The following JAK2 variants were observed in gnomAD, a reference collection of about 807,000 sequenced individuals.
JAK2 encodes the protein tyrosine-protein kinase JAK2.
JAK2 carries 86 observed loss-of-function variants against 139.3 expected under a neutral mutation model. That is an observed-to-expected ratio of 0.62 (90% confidence interval 0.52 to 0.74). JAK2 has a LOEUF of 0.74. Among genes scored for constraint, JAK2 ranks in the 30% least tolerant of loss-of-function variants. The pLI is 0.00. For synonymous variants in JAK2, 490 were observed against 437.7 expected (o/e 1.12, Z -1.49); for missense variants, 1,421 against 1,360.3 (o/e 1.04, Z -0.70).
intron 2 of JAK2, among the ~76,000 whole-genome samples, chr9:4,997,175 T>G (rs1259238110): frequency 6.6e-6 from 1 of 152,044 alleles, no homozygotes; most frequent in Non-Finnish European, 1.5e-5. Context: ...CCAGCAATCT[T>G]TCTGCATCAG....
intron 14 of JAK2, 63 bp from the exon 15 acceptor site, chr9:5,077,390 A>T (rs1384916205): frequency 1.7e-6 from 1 of 574,726 alleles, no homozygotes; most frequent in Non-Finnish European, 2.6e-6. Context: ...AAAGATTTAA[A>T]TTACATATAT....
chr9:5,113,191 CTTTTTTTT>C (rs531374595), intron 22 of JAK2, among the ~76,000 whole-genome samples: 1 of 57,160 alleles, frequency 1.7e-5, no homozygotes, highest in African/African-American at 8.2e-5. Context: ...CTGGCAGGAG[CTTTTTTTT>C]TTTTTTTTTT....
chr9:5,104,941 C>T (rs768050758), intron 22 of JAK2, among the ~76,000 whole-genome samples: 4 of 152,182 alleles, frequency 2.6e-5, no homozygotes, highest in African/African-American at 9.7e-5. Context: ...GACAAACTCA[C>T]AGCCAATATC....
intron 23 of JAK2, among the ~76,000 whole-genome samples, chr9:5,125,250 A>G (rs12349918): frequency 0.25 from 38,216 of 150,740 alleles, 5,137 homozygotes; most frequent in South Asian, 0.3. Flanking sequence ...ATAAAAGTTC[A>G]CTTATATAAA....
chr9:5,110,834 G>A (rs1822425295), intron 22 of JAK2: 6 of 456,204 alleles, frequency 1.3e-5, no homozygotes, highest in Non-Finnish European at 2.5e-5. Context: ...CGTTTGTTCG[G>A]GGAAGGTGGG....
chr9:5,090,355 A>G (rs1417794030), intron 20 of JAK2, 91 bp from the exon 21 acceptor site: 2 of 930,254 alleles, frequency 2.1e-6, no homozygotes, highest in Admixed American at 3.0e-5. Flanking sequence ...GATTTCATAT[A>G]TGTTTAAGTC....
At chr9:5,126,252 T>TC in intron 23 of JAK2, 81 bp from the exon 24 acceptor site, 1 of 924,616 alleles carries the variant, frequency 1.1e-6, no homozygotes, top group Non-Finnish European at 1.7e-6. Flanking sequence ...CTAAATTTTT[T>TC]CCCATTGACT....
Position 5,022,009 on chromosome 9 carries a change from A to G in JAK2, c.22A>G (p.Met8Val). The change falls in exon 3 of 25, where the codon ATG becomes GTG. Residue 8 changes from methionine to valine, a missense_variant. Coordinates refer to ENST00000381652, the MANE Select transcript of JAK2 (RefSeq NM_004972.4). MGMACLT[M>V]TEMEGTSTSS... Reference sequence around the variant, plus strand: ...CTGCATGGGAATGGCCTGCCTTACGATGACAGAAATGGAGGGAACATCCAC... The same window carrying G: ...CTGCATGGGAATGGCCTGCCTTACGGTGACAGAAATGGAGGGAACATCCAC... The G allele has an allele frequency of 6.2e-7, 1 of 1,613,984 alleles. No homozygotes were observed. The highest frequency in any genetic ancestry group is 8.5e-7 in the Non-Finnish European group (1 of 1,179,840).
At chr9:5,027,537 A>C (rs1306140727) in intron 3 of JAK2, among the ~76,000 whole-genome samples, 1 of 152,158 alleles carries the variant, frequency 6.6e-6, no homozygotes, top group East Asian at 1.9e-4. Flanking sequence ...GCAATATCTT[A>C]AAATAAGACA....
Position 5,065,060 on chromosome 9 carries a change from A to C in JAK2, c.1214+20A>C. On this transcript the variant is annotated intron_variant, in intron 9 of 24. Coordinates refer to ENST00000381652, the MANE Select transcript of JAK2 (RefSeq NM_004972.4). ...AATTTCGTGAGTAATACAGACTTAA[A>C]AGTAAATTTTTAGAAAAGTAAATGC... The C allele has an allele frequency of 4.7e-6, 7 of 1,485,832 alleles. No individual in the cohort carries two copies. Among genetic ancestry groups the C allele is most frequent in the Non-Finnish European group, 6.3e-6 (7 of 1,108,278 alleles). 92.0% of individuals were successfully genotyped at this position (1,485,832 alleles called of 1,614,324 possible).
At chr9:5,013,753 C>G (rs1821861490) in intron 2 of JAK2, among the ~76,000 whole-genome samples, 1 of 152,114 alleles carries the variant, frequency 6.6e-6, no homozygotes, top group African/African-American at 2.4e-5. Flanking sequence ...TCATTTTCTT[C>G]TTGTCATTTT....
chr9:5,055,815 G>T, intron 8 of JAK2, 27 bp downstream of exon 8: 1 of 1,585,198 alleles, frequency 6.3e-7, no homozygotes, highest in South Asian at 1.1e-5. Context: ...ATTGAATAAT[G>T]GTTTCATTTT....
intron 6 of JAK2, among the ~76,000 whole-genome samples, chr9:5,052,983 A>AT (rs925177657): frequency 1.3e-5 from 2 of 151,688 alleles, no homozygotes; most frequent in African/African-American, 4.8e-5. Context: ...TTGTGGATGT[A>AT]TTTTTTTCAT....
chr9:5,017,822 AC>A, intron 2 of JAK2, among the ~76,000 whole-genome samples: 1 of 152,340 alleles, frequency 6.6e-6, no homozygotes, highest in South Asian at 2.1e-4. Flanking sequence ...TTGTTTTGAT[AC>A]ATTAGAAGTT....
At chr9:5,093,669 A>G (rs1315951452) in intron 22 of JAK2, among the ~76,000 whole-genome samples, 3 of 152,184 alleles carry the variant, frequency 2.0e-5, no homozygotes, top group African/African-American at 7.2e-5. Context: ...CTAAGACCAC[A>G]GTAGTCTAAG....
intron 19 of JAK2, chr9:5,085,385 C>G (rs1820007157): frequency 2.2e-6 from 2 of 895,052 alleles, no homozygotes; most frequent in Non-Finnish European, 3.7e-6. Context: ...ACCACTGGGT[C>G]GGGGCATCCT....
intron 3 of JAK2, among the ~76,000 whole-genome samples, chr9:5,023,252 G>A (rs1186845819): frequency 6.6e-6 from 1 of 152,128 alleles, no homozygotes; most frequent in African/African-American, 2.4e-5. Context: ...ATGAGAACTT[G>A]TTATATTTGT....
intron 2 of JAK2, among the ~76,000 whole-genome samples, chr9:4,991,341 T>C (rs1462556948): frequency 6.6e-6 from 1 of 152,224 alleles, no homozygotes; most frequent in Admixed American, 6.5e-5. Flanking sequence ...TTTTAGTATG[T>C]TATTGGAAAC....
chr9:5,105,189 C>G (rs1400052390), intron 22 of JAK2, among the ~76,000 whole-genome samples: 1 of 152,194 alleles, frequency 6.6e-6, no homozygotes, highest in South Asian at 2.1e-4. Context: ...TCTCCTTAGG[C>G]TGGTAAGCAA....
Sources: gnomAD v4.1 joint callset for allele counts (sites outside exome capture counted in the v4.1 genomes callset) on GRCh38, gnomAD v4.1.1 for gene constraint, MANE v1.5 for transcripts, NCBI Gene and HGNC (gene_info 2026-07-23, HGNC 2026-07-21) for gene names.